Variants in CACNA1A observed in about 807,000 individuals in gnomAD.
The protein encoded by CACNA1A is calcium voltage-gated channel subunit alpha1 A.
CACNA1A carries 57 observed loss-of-function variants against 262.4 expected under a neutral mutation model. That is an observed-to-expected ratio of 0.22 (90% confidence interval 0.18 to 0.27). The LOEUF (loss-of-function observed/expected upper bound fraction) is 0.27. CACNA1A is among the 10% of genes least tolerant of loss of function. The pLI is 1.00. For missense variants in CACNA1A, 2,526 were observed against 3,562.8 expected, an observed-to-expected ratio of 0.71 and a Z score of 7.41; for synonymous variants, 1,431 against 1,419.3, an observed-to-expected ratio of 1.01 and a Z score of -0.18.
At chr19:13,298,420 C>A (rs1161904423) in intron 19 of CACNA1A, 124 bp downstream of exon 19, 16 of 949,598 alleles carry the variant, frequency 1.7e-5, no homozygotes, top group Non-Finnish European at 2.3e-5. Flanking sequence ...TGAGCCACTG[C>A]GCCTGGCCAA....
At chr19:13,372,007 A>T (rs1233226035) in intron 3 of CACNA1A, among the ~76,000 whole-genome samples, 1 of 152,100 alleles carries the variant, frequency 6.6e-6, no homozygotes, top group Non-Finnish European at 1.5e-5. Flanking sequence ...TTCATGTTGC[A>T]CAAATGTTGC....
Position 13,506,005 on chromosome 19 carries a change from C to G in CACNA1A, c.220G>C (p.Val74Leu), listed in dbSNP as rs1190000582. Residue 74 changes from valine to leucine, a missense_variant, in exon 1 of 47, where the codon GTT (valine) becomes CTT (leucine). Physicochemically the swap from Val to Leu is conservative, Grantham distance 32. Coordinates refer to ENST00000360228, the MANE Select transcript of CACNA1A (RefSeq NM_001127222.2). ...PIPVRQNCLT[V>L]NRSLFLFSED... ...CTGAAGAGGAAGAGAGACCGGTTAA[C>G]CGTGAGGCAGTTCTGTCGGACGGGG... The G allele has an allele frequency of 6.2e-7, 1 of 1,613,984 alleles. No individual in the cohort carries two copies. The highest frequency in any genetic ancestry group is 1.6e-4 in the Middle Eastern group (1 of 6,062).
chr19:13,210,397 G>A (rs981573010), intron 44 of CACNA1A, among the ~76,000 whole-genome samples: 16 of 152,182 alleles, frequency 1.1e-4, no homozygotes, highest in African/African-American at 3.6e-4. Flanking sequence ...AGGGGGTAGG[G>A]GTGAGGATGG....
intron 19 of CACNA1A, among the ~76,000 whole-genome samples, chr19:13,294,354 A>C (rs1288375412): frequency 6.6e-6 from 1 of 152,126 alleles, no homozygotes; most frequent in African/African-American, 2.4e-5. Context: ...TGTCTTGTAC[A>C]TGGTAGGGTA....
rs189185126 is a variant in CACNA1A, at chr19:13,221,085, T to C, written c.5731+3582A>G. Among the ~76,000 whole-genome samples, 392 of 150,626 alleles carry C rather than the reference T, an allele frequency of 2.6e-3. 3 individuals are homozygous for C. Among genetic ancestry groups the C allele is most frequent in the African/African-American group, 8.8e-3 (358 of 40,904 alleles). ...CCCTCAAGACCCTGGAAGGCACATA[T>C]GTCTCGAGGCTCAGTCTTCCCTCCT... On this transcript the variant is annotated intron_variant, in intron 38 of 46. Transcript: ENST00000360228.
chr19:13,303,389 G>T, intron 17 of CACNA1A, 157 bp downstream of exon 17: 1 of 591,352 alleles, frequency 1.7e-6, no homozygotes, highest in Non-Finnish European at 3.0e-6. Context: ...GGAGTGGGGG[G>T]AGAGGCGCCT....
In CACNA1A at chr19:13,402,855, T is replaced by TACAC. The variant is rs1432879896; in HGVS notation, c.540-31077_540-31076insGTGT. 1.2e-4 allele frequency among the ~76,000 whole-genome samples: 9 copies of TACAC among 72,728 alleles called. No homozygotes were observed. The East Asian group carries it at 2.1e-3, about 17-fold the overall frequency. 47.7% of individuals were successfully genotyped at this position (72,728 alleles called of 152,430 possible). On this transcript the variant is annotated intron_variant, in intron 3 of 46. Transcript: ENST00000360228. ...ATATACATATATATACACATATATA[T>TACAC]ATACACACACACACACACATATATA...
At chr19:13,220,104 A>G (rs2055169136) in intron 38 of CACNA1A, among the ~76,000 whole-genome samples, 2 of 152,082 alleles carry the variant, frequency 1.3e-5, no homozygotes, top group Admixed American at 1.3e-4. Context: ...CTAAAAATAC[A>G]AAAAAATTTA....
At chr19:13,499,880 A>C (rs927393017) in intron 1 of CACNA1A, among the ~76,000 whole-genome samples, 1 of 151,588 alleles carries the variant, frequency 6.6e-6, no homozygotes, top group African/African-American at 2.4e-5. Flanking sequence ...GGCTCTGATC[A>C]TTTCTGGATG....
rs752513542 is a variant in CACNA1A at position 13,212,171 on chromosome 19, C to T, written c.6235G>A (p.Glu2079Lys). The change falls in exon 43 of 47, where the codon GAG (glutamate) becomes AAG (lysine). Residue 2079 changes from glutamate (E) to lysine (K), a missense_variant. Glu to Lys is a moderately conservative substitution (Grantham distance 56). Coordinates refer to ENST00000360228, the MANE Select transcript of CACNA1A (RefSeq NM_001127222.2). The surrounding 1 kb of genome is among the most constrained non-coding windows in gnomAD (Gnocchi z 5.6). ...EMGRDGYSDS[E>K]HYLPMEGQGR... ...TGGCCTTCCATGGGGAGGTAGTGCT[C>T]GCTGTCGGAGTAGCCATCTCTGCCC... The T allele has an allele frequency of 2.2e-5, 36 of 1,613,760 alleles. No individual in the cohort carries two copies. Among genetic ancestry groups the T allele is most frequent in the South Asian group, 3.3e-5 (3 of 91,084 alleles).
chr19:13,462,232 G>T (rs2061136338), intron 1 of CACNA1A, among the ~76,000 whole-genome samples: 1 of 152,130 alleles, frequency 6.6e-6, no homozygotes, highest in Admixed American at 6.6e-5. Context: ...ATCAAATCAG[G>T]TTTGTCAACT....
At chr19:13,223,388 T>G (rs1353388596) in intron 38 of CACNA1A, among the ~76,000 whole-genome samples, 3 of 151,918 alleles carry the variant, frequency 2.0e-5, no homozygotes, top group Non-Finnish European at 4.4e-5. Context: ...AGACGGGGGT[T>G]TCACCACATT....
At chr19:13,479,752 G>A (rs1393456399) in intron 1 of CACNA1A, among the ~76,000 whole-genome samples, 1 of 152,224 alleles carries the variant, frequency 6.6e-6, no homozygotes, top group Non-Finnish European at 1.5e-5. Flanking sequence ...CTGCCATGCT[G>A]TCCTAAAAGA....
chr19:13,214,433 G>T lies in CACNA1A; in HGVS notation c.5839+68C>A. ...CAGCCCAGGCCAACACTCTCCCCAG[G>T]CCTCCCCTTTCCCTCCCCCTCCATC... On this transcript the variant is annotated intron_variant, in intron 39 of 46. Transcript: ENST00000360228. The surrounding 1 kb of genome is among the most constrained non-coding windows in gnomAD (Gnocchi z 4.1). 6.5e-7 allele frequency: 1 copy of T among 1,544,098 alleles called. No individual in the cohort carries two copies. Among genetic ancestry groups the T allele is most frequent in the Non-Finnish European group, 8.9e-7 (1 of 1,121,746 alleles).
intron 3 of CACNA1A, among the ~76,000 whole-genome samples, chr19:13,400,888 G>A (rs529388396): frequency 2.0e-5 from 3 of 152,070 alleles, no homozygotes; most frequent in Non-Finnish European, 4.4e-5. Context: ...AAAGTGGCGT[G>A]ATCTTTGCTC....
At chr19:13,385,927 C>G (rs1054499963) in intron 3 of CACNA1A, among the ~76,000 whole-genome samples, 6 of 151,866 alleles carry the variant, frequency 4.0e-5, no homozygotes, top group African/African-American at 1.5e-4. Flanking sequence ...GAGGCTGAGG[C>G]AGGAGGATTG....
At position 13,298,935 on chromosome 19, in the gene CACNA1A, C is replaced by T. The variant is rs764313309; in HGVS notation, c.2698G>A (p.Glu900Lys). The T allele has an allele frequency of 5.0e-6, 8 of 1,593,552 alleles. No homozygotes were observed. Among genetic ancestry groups the T allele is most frequent in the Middle Eastern group, 1.7e-4 (1 of 5,888 alleles). ...ELSREGPYGR[E>K]SDHHAREGSL... is the part of the protein sequence containing the mutation. Reference sequence around the variant, plus strand: ...CCCTCCCGGGCGTGGTGGTCCGACTCGCGGCCGTAGGGTCCCTCCCGGCTC... The same window carrying T: ...CCCTCCCGGGCGTGGTGGTCCGACTTGCGGCCGTAGGGTCCCTCCCGGCTC... Residue 900 changes from glutamate (E) to lysine (K), a missense_variant, in exon 19 of 47, where the codon GAG becomes AAG. Physicochemically the swap from Glu to Lys is moderately conservative, Grantham distance 56. Around this residue, in one of 17 missense-constraint regions of CACNA1A, gnomAD observed 765 missense variants for 748.6 expected, o/e 1.02. Coordinates refer to ENST00000360228, the MANE Select transcript of CACNA1A (RefSeq NM_001127222.2).
At chr19:13,283,618 T>G in intron 21 of CACNA1A, 2 of 502,472 alleles carry the variant, frequency 4.0e-6, no homozygotes, top group Non-Finnish European at 7.1e-6. Context: ...ACATGCCCTG[T>G]TTAGCAAAGT....
chr19:13,307,709 T>C (rs979541646), intron 15 of CACNA1A, 73 bp downstream of exon 15: 57 of 1,274,288 alleles, frequency 4.5e-5, no homozygotes, highest in Non-Finnish European at 6.1e-5. Flanking sequence ...GGGAAGCCCC[T>C]TGGATGTGGA....
Sources: gnomAD v4.1 joint callset for allele counts (sites outside exome capture counted in the v4.1 genomes callset) on GRCh38, gnomAD v4.1.1 for gene constraint, gnomAD v4.1.1 regional missense constraint, Gnocchi (gnomAD v3.1) non-coding constraint, MANE v1.5 for transcripts, NCBI Gene and HGNC (gene_info 2026-07-23, HGNC 2026-07-21) for gene names.